Variants in FGF12 observed in about 807,000 individuals in gnomAD.
The protein encoded by FGF12 is fibroblast growth factor 12B.
FGF12 carries 14 observed loss-of-function variants against 23.6 expected under a neutral mutation model. The observed-to-expected ratio is 0.59, with a 90% CI of 0.39 to 0.93. The LOEUF is 0.93. Ranked by LOEUF, FGF12 falls within the 40% of genes least tolerant of loss-of-function variation. The pLI, the probability that FGF12 is intolerant of heterozygous loss-of-function variation, is 0.00. For synonymous variants in FGF12, 62 were observed against 77.3 expected, an observed-to-expected ratio of 0.80 and a Z score of 1.04; for missense variants, 175 against 217.8, an observed-to-expected ratio of 0.80 and a Z score of 1.24.
chr3:192,269,480 C>T (rs1048896799), intron 4 of FGF12, among the ~76,000 whole-genome samples: 1 of 152,288 alleles, frequency 6.6e-6, no homozygotes, highest in African/African-American at 2.4e-5. Flanking sequence ...GGGTTATCAG[C>T]CCTGCAATCT....
intron 4 of FGF12, among the ~76,000 whole-genome samples, chr3:192,202,620 A>C (rs796671139): frequency 6.6e-5 from 10 of 152,328 alleles, no homozygotes; most frequent in African/African-American, 2.4e-4. Flanking sequence ...ATTTTGTCTC[A>C]TATCCGAATA....
At chr3:192,256,899 T>C (rs1712431243) in intron 4 of FGF12, among the ~76,000 whole-genome samples, 1 of 152,168 alleles carries the variant, frequency 6.6e-6, no homozygotes, top group African/African-American at 2.4e-5. Context: ...AGTGACTATA[T>C]GGAAATTAAT....
chr3:192,647,752 CAT>C lies in FGF12; in HGVS notation c.13+79427_13+79428del, dbSNP rs1227859429. 8.1e-5 allele frequency among the ~76,000 whole-genome samples: 12 copies of C among 148,390 alleles called. No individual in the cohort carries two copies. In the South Asian group the frequency reaches 1.1e-3, roughly 13 times the overall value. ...ATATATACATACATGTATATATACA[CAT>C]ATATATATACACACACTATATATAT... On this transcript the variant is annotated intron_variant, in intron 2 of 5. Coordinates refer to ENST00000445105, the MANE Select transcript of FGF12 (RefSeq NM_004113.6).
intron 2 of FGF12, among the ~76,000 whole-genome samples, chr3:192,586,043 A>G (rs758326830): frequency 3.9e-5 from 6 of 152,142 alleles, no homozygotes; most frequent in Non-Finnish European, 7.4e-5. Context: ...GAAAAAAATC[A>G]TTGTTATAAT....
intron 4 of FGF12, among the ~76,000 whole-genome samples, chr3:192,219,829 T>A (rs1718381509): frequency 6.6e-6 from 1 of 152,210 alleles, no homozygotes; most frequent in South Asian, 2.1e-4. Context: ...CTTATAGTTA[T>A]TGTTTTCACT....
At chr3:192,262,017 T>C (rs1233657688) in intron 4 of FGF12, among the ~76,000 whole-genome samples, 1 of 152,158 alleles carries the variant, frequency 6.6e-6, no homozygotes, top group Non-Finnish European at 1.5e-5. Flanking sequence ...GAAAATGTGT[T>C]CAGATAATAG....
chr3:192,570,819 A>C (rs1712599715), intron 2 of FGF12, among the ~76,000 whole-genome samples: 1 of 152,252 alleles, frequency 6.6e-6, no homozygotes, highest in Non-Finnish European at 1.5e-5. Context: ...AATATGTATA[A>C]GAAAAAATAA....
Position 192,459,819 on chromosome 3 carries a change from C to A in FGF12, c.14-99281G>T, listed in dbSNP as rs569272208. 1.5e-4 allele frequency among the ~76,000 whole-genome samples: 22 copies of A among 151,606 alleles called. No individual in the cohort carries two copies. In the East Asian group the frequency reaches 4.1e-3, roughly 28 times the overall value. On this transcript the variant is annotated intron_variant, in intron 2 of 5. Transcript: ENST00000445105. ...AATTCTTAATAATCTGAAAAGAAAT[C>A]TTTCCTGCATGTATGTTTAGTGTGT... is the stretch of plus-strand genomic sequence containing the variant.
chr3:192,442,309 G>A (rs566968056), intron 2 of FGF12, among the ~76,000 whole-genome samples: 6 of 152,194 alleles, frequency 3.9e-5, no homozygotes, highest in Non-Finnish European at 5.9e-5. Context: ...AAAAACAATG[G>A]TTTGTGGATG....
chr3:192,611,618 G>A (rs1049887326), intron 2 of FGF12, among the ~76,000 whole-genome samples: 9 of 151,920 alleles, frequency 5.9e-5, no homozygotes, highest in Admixed American at 1.3e-4. Context: ...CCAAACCACT[G>A]CCTGGGACCT....
chr3:192,254,672 A>G (rs189705009), intron 4 of FGF12, among the ~76,000 whole-genome samples: 57 of 152,206 alleles, frequency 3.7e-4, no homozygotes, highest in African/African-American at 1.3e-3. Context: ...GCAAAAGCCA[A>G]GATTCTCAGG....
In FGF12 at chr3:192,725,754, T is replaced by C. The variant is rs544452068; in HGVS notation, c.13+1427A>G. ...GTTTCATAGTAAAATGATATTCTTT[T>C]TCTGTTGTTAACCTTATGTCCCAGA... On this transcript the variant is annotated intron_variant, in intron 2 of 5. Coordinates refer to ENST00000445105, the MANE Select transcript of FGF12 (RefSeq NM_004113.6). Among the ~76,000 whole-genome samples the C allele has an allele frequency of 2.0e-5, 3 of 152,302 alleles. No homozygotes were observed. In the South Asian group the frequency reaches 6.2e-4, roughly 32 times the overall value.
At chr3:192,358,869 A>T (rs528672265) in intron 3 of FGF12, among the ~76,000 whole-genome samples, 1 of 152,280 alleles carries the variant, frequency 6.6e-6, no homozygotes, top group Admixed American at 6.5e-5. Context: ...AGGGATGTTG[A>T]TATATCATCA....
chr3:192,191,865 A>G (rs1473969342), intron 4 of FGF12, among the ~76,000 whole-genome samples: 1 of 152,128 alleles, frequency 6.6e-6, no homozygotes, highest in South Asian at 2.1e-4. Flanking sequence ...TAAAAAACTA[A>G]TAACAAAGCC....
At chr3:192,704,708 A>C (rs1334831412) in intron 2 of FGF12, among the ~76,000 whole-genome samples, 1 of 152,222 alleles carries the variant, frequency 6.6e-6, no homozygotes, top group Non-Finnish European at 1.5e-5. Flanking sequence ...CTTTCTCACT[A>C]TGAAAGTTGT....
intron 4 of FGF12, among the ~76,000 whole-genome samples, chr3:192,329,572 G>A (rs910557664): frequency 2.6e-5 from 4 of 152,114 alleles, no homozygotes; most frequent in Admixed American, 6.5e-5. Context: ...AATTTACAGA[G>A]GATGGTCGAG....
At chr3:192,684,623 A>C (rs767493853) in intron 2 of FGF12, among the ~76,000 whole-genome samples, 1 of 152,206 alleles carries the variant, frequency 6.6e-6, no homozygotes. Context: ...TGAAAAGCAT[A>C]TAAGAATAGC....
At chr3:192,289,929 T>C (rs532921269) in intron 4 of FGF12, among the ~76,000 whole-genome samples, 1 of 152,266 alleles carries the variant, frequency 6.6e-6, no homozygotes, top group East Asian at 1.9e-4. Flanking sequence ...CAGAAAAGGT[T>C]TTATCATCTT....
chr3:192,463,144 T>C (rs1434105135), intron 2 of FGF12, among the ~76,000 whole-genome samples: 2 of 152,080 alleles, frequency 1.3e-5, no homozygotes, highest in Admixed American at 6.5e-5. Flanking sequence ...GTTGGCAGGG[T>C]GCGGTGGCTC....
Sources: allele counts gnomAD v4.1 joint callset (sites outside exome capture counted in the v4.1 genomes callset), GRCh38; gene constraint gnomAD v4.1.1; transcripts MANE v1.5; gene names NCBI Gene and HGNC (gene_info 2026-07-23, HGNC 2026-07-21).